The following PCDH9 variants were observed in gnomAD, a reference collection of about 807,000 sequenced individuals.
PCDH9 encodes protocadherin 9.
Under a neutral mutation model 70.6 loss-of-function variants are expected in PCDH9, and 24 were observed. The observed-to-expected ratio is 0.34, with a 90% CI of 0.25 to 0.48. PCDH9 has a LOEUF of 0.48. Ranked by LOEUF, PCDH9 falls within the 20% of genes least tolerant of loss-of-function variation. The pLI, the probability that PCDH9 is intolerant of heterozygous loss-of-function variation, is 0.99. For missense variants in PCDH9, 1,281 were observed against 1,503.6 expected (o/e 0.85, Z 2.45); for synonymous variants, 562 against 558.5 (o/e 1.01, Z -0.09).
At chr13:66,796,590 G>A (rs2080245320) in intron 3 of PCDH9, among the ~76,000 whole-genome samples, 1 of 152,006 alleles carries the variant, frequency 6.6e-6, no homozygotes, top group Non-Finnish European at 1.5e-5. Context: ...TCATTTGATG[G>A]GTGCATAAGT....
intron 3 of PCDH9, among the ~76,000 whole-genome samples, chr13:66,831,471 C>A (rs890272902): frequency 6.6e-6 from 1 of 152,088 alleles, no homozygotes; most frequent in African/African-American, 2.4e-5. Flanking sequence ...AATTTGTATT[C>A]ACCTTTTGTG....
At chr13:66,801,800 T>C (rs1284330424) in intron 3 of PCDH9, among the ~76,000 whole-genome samples, 1 of 152,090 alleles carries the variant, frequency 6.6e-6, no homozygotes, top group Non-Finnish European at 1.5e-5. Context: ...AGTAATCTTG[T>C]GGCTTTTTGA....
At chr13:66,467,243 T>C (rs1046394749) in intron 4 of PCDH9, among the ~76,000 whole-genome samples, 3 of 152,014 alleles carry the variant, frequency 2.0e-5, no homozygotes, top group African/African-American at 7.2e-5. Flanking sequence ...GAAAAAACAA[T>C]TGAAACAGCC....
chr13:66,957,368 T>C (rs1273777396), intron 2 of PCDH9, among the ~76,000 whole-genome samples: 1 of 152,136 alleles, frequency 6.6e-6, no homozygotes, highest in East Asian at 1.9e-4. Flanking sequence ...TTTCACATAA[T>C]CTGCAAATGC....
At chr13:67,048,458 G>A (rs563035784) in intron 2 of PCDH9, among the ~76,000 whole-genome samples, 1 of 152,296 alleles carries the variant, frequency 6.6e-6, no homozygotes, top group African/African-American at 2.4e-5. Flanking sequence ...GCCGCTGAAA[G>A]CAGAGCAGGC....
chr13:66,744,084 C>T (rs1019516788), intron 3 of PCDH9, among the ~76,000 whole-genome samples: 5 of 152,178 alleles, frequency 3.3e-5, no homozygotes, highest in African/African-American at 4.8e-5. Context: ...TATTTAAAAT[C>T]TTCTCGCAAA....
chr13:66,528,157 A>G (rs1960293715), intron 4 of PCDH9, among the ~76,000 whole-genome samples: 1 of 152,220 alleles, frequency 6.6e-6, no homozygotes, highest in South Asian at 2.1e-4. Context: ...GACTAGAATT[A>G]GAAATATAAA....
chr13:67,026,741 A>C (rs2084790445), intron 2 of PCDH9, among the ~76,000 whole-genome samples: 1 of 151,998 alleles, frequency 6.6e-6, no homozygotes, highest in Non-Finnish European at 1.5e-5. Context: ...TCAATGTACA[A>C]AAATCACAAG....
chr13:66,564,909 A>G (rs908993531), intron 4 of PCDH9, among the ~76,000 whole-genome samples: 2 of 151,698 alleles, frequency 1.3e-5, no homozygotes, highest in Admixed American at 1.3e-4. Flanking sequence ...TTCTTTGTCC[A>G]TAAATCAATG....
At chr13:66,761,139 C>T (rs965145472) in intron 3 of PCDH9, among the ~76,000 whole-genome samples, 6 of 150,228 alleles carry the variant, frequency 4.0e-5, no homozygotes, top group East Asian at 2.0e-4. Flanking sequence ...ACACCCTATT[C>T]GTACACTCCC....
intron 2 of PCDH9, among the ~76,000 whole-genome samples, chr13:67,161,918 T>C (rs2087973709): frequency 1.3e-5 from 2 of 152,144 alleles, no homozygotes; most frequent in African/African-American, 4.8e-5. Flanking sequence ...CTTACTAAAG[T>C]GATAACTGTG....
rs577645255 is a variant in PCDH9 at position 66,363,979 on chromosome 13, A to AC, written c.3341-58952dup. On this transcript the variant is annotated intron_variant, in intron 4 of 4. Coordinates refer to ENST00000377865, the MANE Select transcript of PCDH9 (RefSeq NM_203487.3). ...AGACCAGCCTGGCCAACATGGTGAA[A>AC]CCCCGTCTCTACTAAAAATACAAAA... 1.6e-4 allele frequency among the ~76,000 whole-genome samples: 24 copies of AC among 151,978 alleles called. No individual in the cohort carries two copies. The South Asian group carries it at 5.0e-3, about 32-fold the overall frequency.
chr13:66,445,150 T>C (rs1958048848), intron 4 of PCDH9, among the ~76,000 whole-genome samples: 1 of 147,202 alleles, frequency 6.8e-6, no homozygotes, highest in African/African-American at 2.5e-5. Context: ...TTACATATAT[T>C]ATTTTACTAT....
intron 4 of PCDH9, among the ~76,000 whole-genome samples, chr13:66,609,741 A>G (rs2138866829): frequency 6.6e-6 from 1 of 152,144 alleles, no homozygotes; most frequent in African/African-American, 2.4e-5. Context: ...TTTGAGAACA[A>G]AAAAGTAAAT....
chr13:66,650,632 T>A (rs1435200536), intron 3 of PCDH9, among the ~76,000 whole-genome samples: 1 of 151,834 alleles, frequency 6.6e-6, no homozygotes, highest in Non-Finnish European at 1.5e-5. Flanking sequence ...CACAGTGGAC[T>A]TAGTATACCC....
intron 2 of PCDH9, among the ~76,000 whole-genome samples, chr13:67,102,889 A>T (rs1339544497): frequency 6.6e-6 from 1 of 152,150 alleles, no homozygotes; most frequent in Non-Finnish European, 1.5e-5. Flanking sequence ...CTAATGAAAA[A>T]TCTGCTTGAG....
chr13:66,523,472 A>G, intron 4 of PCDH9, among the ~76,000 whole-genome samples: 1 of 152,078 alleles, frequency 6.6e-6, no homozygotes, highest in East Asian at 1.9e-4. Flanking sequence ...TCATTTGTTC[A>G]AGTAGCACAT....
chr13:66,471,450 T>C (rs1317485806), intron 4 of PCDH9, among the ~76,000 whole-genome samples: 2 of 152,204 alleles, frequency 1.3e-5, no homozygotes, highest in African/African-American at 4.8e-5. Context: ...GAGAATAATG[T>C]TAATTTCACT....
intron 2 of PCDH9, among the ~76,000 whole-genome samples, chr13:67,072,780 C>T (rs957752173): frequency 6.6e-6 from 1 of 151,922 alleles, no homozygotes; most frequent in African/African-American, 2.4e-5. Context: ...TTTCTACAAG[C>T]ACCATGTGTT....
Sources: gnomAD v4.1 joint callset for allele counts (sites outside exome capture counted in the v4.1 genomes callset) on GRCh38, gnomAD v4.1.1 for gene constraint, MANE v1.5 for transcripts, NCBI Gene and HGNC (gene_info 2026-07-23, HGNC 2026-07-21) for gene names.